GRID2: variants seen among roughly 807,000 people sequenced by gnomAD.
The protein encoded by GRID2 is glutamate receptor ionotropic, delta-2.
Under a neutral mutation model 114.8 loss-of-function variants are expected in GRID2, and 33 were observed. The ratio of observed to expected loss-of-function variants is 0.29; its 90% CI spans 0.22 to 0.38. The LOEUF is 0.38. Among genes scored for constraint, GRID2 ranks in the 10% least tolerant of loss-of-function variants. The pLI, the probability that GRID2 is intolerant of heterozygous loss-of-function variation, is 1.00. For synonymous variants in GRID2, 505 were observed against 449.9 expected (o/e 1.12, Z -1.55); for missense variants, 1,184 against 1,257.7 (o/e 0.94, Z 0.89).
chr4:93,594,039 C>A (rs1263301641), intron 13 of GRID2, among the ~76,000 whole-genome samples: 3 of 152,118 alleles, frequency 2.0e-5, no homozygotes, highest in Admixed American at 6.5e-5. Context: ...TCGTCTGAAG[C>A]CTTCTTCTCT....
At chr4:92,594,600 T>C (rs1728860502) in intron 2 of GRID2, among the ~76,000 whole-genome samples, 2 of 151,870 alleles carry the variant, frequency 1.3e-5, no homozygotes, top group Admixed American at 1.3e-4. Flanking sequence ...AGGGTATCCA[T>C]TGTTTGTTCT....
chr4:93,126,584 C>CTTTTTTTTTTTTTT (rs60017147), intron 4 of GRID2, among the ~76,000 whole-genome samples: 3 of 52,734 alleles, frequency 5.7e-5, no homozygotes, highest in East Asian at 6.7e-4. Context: ...CTATTTAATT[C>CTTTTTTTTTTTTTT]TTTTTTTTTT....
At chr4:92,818,461 A>C (rs909291610) in intron 2 of GRID2, among the ~76,000 whole-genome samples, 10 of 152,172 alleles carry the variant, frequency 6.6e-5, no homozygotes, top group Non-Finnish European at 8.8e-5. Flanking sequence ...GAATGAGAAA[A>C]GGCATTACCA....
chr4:92,626,216 T>G (rs539058936), intron 2 of GRID2, among the ~76,000 whole-genome samples: 1 of 152,122 alleles, frequency 6.6e-6, no homozygotes, highest in African/African-American at 2.4e-5. Context: ...AATCAGAACC[T>G]GAGTGGCCTA....
chr4:92,798,192 G>A (rs921713356), intron 2 of GRID2, among the ~76,000 whole-genome samples: 1 of 151,860 alleles, frequency 6.6e-6, no homozygotes, highest in Non-Finnish European at 1.5e-5. Context: ...TTTGATTTCA[G>A]ACACGTTAAC....
intron 1 of GRID2, among the ~76,000 whole-genome samples, chr4:92,373,932 C>A (rs1729233934): frequency 6.6e-6 from 1 of 152,096 alleles, no homozygotes; most frequent in Non-Finnish European, 1.5e-5. Context: ...AGGATTCTAA[C>A]TCAGGAAGTC....
At chr4:92,972,649 T>G (rs1753599172) in intron 2 of GRID2, among the ~76,000 whole-genome samples, 1 of 152,088 alleles carries the variant, frequency 6.6e-6, no homozygotes, top group Admixed American at 6.6e-5. Context: ...AGTTCAGGTT[T>G]GTTACATAGG....
intron 12 of GRID2, among the ~76,000 whole-genome samples, chr4:93,505,170 C>A (rs1042362997): frequency 1.3e-5 from 2 of 151,964 alleles, no homozygotes; most frequent in African/African-American, 4.8e-5. Context: ...TCTGGTAACT[C>A]TTTCAACTCT....
chr4:92,931,883 T>C (rs1398934853), intron 2 of GRID2, among the ~76,000 whole-genome samples: 1 of 151,110 alleles, frequency 6.6e-6, no homozygotes, highest in East Asian at 1.9e-4. Context: ...AGAAGGCCTT[T>C]TTAATAGAAA....
At chr4:93,521,987 C>G (rs1730382853) in intron 13 of GRID2, among the ~76,000 whole-genome samples, 1 of 152,042 alleles carries the variant, frequency 6.6e-6, no homozygotes. Context: ...AAGACATATA[C>G]AGTATCTGTA....
At chr4:93,251,704 C>T (rs1005350132) in intron 8 of GRID2, among the ~76,000 whole-genome samples, 2 of 152,154 alleles carry the variant, frequency 1.3e-5, no homozygotes, top group African/African-American at 4.8e-5. Flanking sequence ...TGTCGTTCCC[C>T]TCTATGAATA....
At chr4:92,806,166 GACACACACACACACACACACACACAC>G (rs56070810) in intron 2 of GRID2, among the ~76,000 whole-genome samples, 1 of 133,256 alleles carries the variant, frequency 7.5e-6, no homozygotes, top group Non-Finnish European at 1.6e-5. Flanking sequence ...ATAGGCTATC[GACACACACACACACACACACACACAC>G]ACACACACAC....
At chr4:93,213,235 G>A (rs751986055) in intron 5 of GRID2, among the ~76,000 whole-genome samples, 5 of 152,130 alleles carry the variant, frequency 3.3e-5, no homozygotes, top group Non-Finnish European at 7.3e-5. Flanking sequence ...ATAGCCTACA[G>A]TTGGATTTGT....
chr4:92,690,556 T>TG (rs1734137057), intron 2 of GRID2, among the ~76,000 whole-genome samples: 1 of 152,192 alleles, frequency 6.6e-6, no homozygotes, highest in African/African-American at 2.4e-5. Flanking sequence ...CACACACTGT[T>TG]GGAAAAATGG....
intron 2 of GRID2, among the ~76,000 whole-genome samples, chr4:93,007,502 G>T (rs1369726058): frequency 6.6e-6 from 1 of 152,062 alleles, no homozygotes; most frequent in East Asian, 1.9e-4. Context: ...ATGAGCTAAG[G>T]TACCTTTCTG....
intron 2 of GRID2, among the ~76,000 whole-genome samples, chr4:92,673,638 T>A (rs191113635): frequency 6.6e-6 from 1 of 152,320 alleles, no homozygotes; most frequent in East Asian, 1.9e-4. Context: ...CATATGAAAT[T>A]CTAAGACAGA....
intron 2 of GRID2, among the ~76,000 whole-genome samples, chr4:92,860,699 G>C (rs908648956): frequency 6.6e-6 from 1 of 151,996 alleles, no homozygotes; most frequent in Non-Finnish European, 1.5e-5. Context: ...TTATTCATTC[G>C]GTCAACAAGT....
chr4:92,956,646 A>T (rs892765488), intron 2 of GRID2, among the ~76,000 whole-genome samples: 1 of 152,312 alleles, frequency 6.6e-6, no homozygotes, highest in East Asian at 1.9e-4. Flanking sequence ...GTCTGAACAT[A>T]AGTTTTCATC....
At chr4:93,293,970 C>T (rs191642700) in intron 8 of GRID2, among the ~76,000 whole-genome samples, 15 of 152,144 alleles carry the variant, frequency 9.9e-5, no homozygotes, top group African/African-American at 3.1e-4. Context: ...TGATCACAGA[C>T]GGCGATTATG....
Sources: gnomAD v4.1 joint callset for allele counts (sites outside exome capture counted in the v4.1 genomes callset) on GRCh38, gnomAD v4.1.1 for gene constraint, MANE v1.5 for transcripts, NCBI Gene and HGNC (gene_info 2026-07-23, HGNC 2026-07-21) for gene names.